Variants in SCFD2 observed in about 807,000 individuals in gnomAD.
SCFD2 encodes the protein sec1 family domain-containing protein 2.
Under a neutral mutation model 58.9 loss-of-function variants are expected in SCFD2, and 54 were observed. The observed-to-expected ratio is 0.92, with a 90% CI of 0.74 to 1.15. The LOEUF is 1.15. Among genes scored for constraint, SCFD2 ranks in the 50% most tolerant of loss-of-function variants. The pLI, the probability that SCFD2 is intolerant of heterozygous loss-of-function variation, is 0.00. For missense variants in SCFD2, 805 were observed against 836.6 expected, an observed-to-expected ratio of 0.96 and a Z score of 0.47; for synonymous variants, 321 against 335.9, an observed-to-expected ratio of 0.96 and a Z score of 0.49.
intron 4 of SCFD2, among the ~76,000 whole-genome samples, chr4:53,273,144 G>A (rs975455127): frequency 8.5e-5 from 13 of 152,056 alleles, no homozygotes; most frequent in Non-Finnish European, 1.3e-4. Flanking sequence ...TGAAAATAAT[G>A]ATAAATCATA....
chr4:53,217,676 C>T (rs1316700883), intron 4 of SCFD2, among the ~76,000 whole-genome samples: 1 of 152,162 alleles, frequency 6.6e-6, no homozygotes, highest in Non-Finnish European at 1.5e-5. Context: ...TGAATTTGAT[C>T]CTGTCAGTAT....
chr4:53,268,731 A>T (rs1201198156), intron 4 of SCFD2, among the ~76,000 whole-genome samples: 1 of 152,142 alleles, frequency 6.6e-6, no homozygotes, highest in Non-Finnish European at 1.5e-5. Context: ...CAACTGAGGT[A>T]GAAGAGCATC....
chr4:52,876,890 G>C (rs1190313755), intron 8 of SCFD2, among the ~76,000 whole-genome samples: 1 of 152,070 alleles, frequency 6.6e-6, no homozygotes, highest in African/African-American at 2.4e-5. Flanking sequence ...TTCATGCAAA[G>C]GGCCCTCTCC....
At chr4:53,281,535 T>C (rs999225328) in intron 3 of SCFD2, among the ~76,000 whole-genome samples, 7 of 152,188 alleles carry the variant, frequency 4.6e-5, no homozygotes, top group Admixed American at 3.9e-4. Context: ...GAATCTTGAG[T>C]ATGCCAGATG....
At chr4:52,968,555 C>T (rs757489812) in intron 5 of SCFD2, among the ~76,000 whole-genome samples, 9 of 152,042 alleles carry the variant, frequency 5.9e-5, no homozygotes, top group Non-Finnish European at 1.0e-4. Flanking sequence ...CTGACATGGA[C>T]GACAGATACT....
At chr4:52,996,208 G>A (rs1239550725) in intron 5 of SCFD2, among the ~76,000 whole-genome samples, 1 of 152,162 alleles carries the variant, frequency 6.6e-6, no homozygotes. Context: ...GAAAGAGACA[G>A]GGGGATGCAC....
At chr4:53,279,112 GCAAA>G (rs1323873459) in intron 3 of SCFD2, among the ~76,000 whole-genome samples, 1 of 151,934 alleles carries the variant, frequency 6.6e-6, no homozygotes, top group Non-Finnish European at 1.5e-5. Flanking sequence ...ACAAAAACAA[GCAAA>G]CAAACAAAAC....
At chr4:53,007,327 A>AGAGAGAGG (rs1194121971) in intron 5 of SCFD2, among the ~76,000 whole-genome samples, 1 of 132,524 alleles carries the variant, frequency 7.5e-6, no homozygotes, top group African/African-American at 2.8e-5. Context: ...AGAGAGAGAG[A>AGAGAGAGG]GAGAGAGGGA....
chr4:52,883,882 C>T (rs1251654301), intron 8 of SCFD2, among the ~76,000 whole-genome samples: 1 of 152,164 alleles, frequency 6.6e-6, no homozygotes, highest in Non-Finnish European at 1.5e-5. Context: ...TGGTCATAGT[C>T]AAAAACTGGC....
At chr4:53,288,187 A>G (rs891142142) in intron 3 of SCFD2, among the ~76,000 whole-genome samples, 3 of 152,108 alleles carry the variant, frequency 2.0e-5, no homozygotes, top group African/African-American at 7.2e-5. Flanking sequence ...TTCTTTTGAA[A>G]TAAATCCATC....
chr4:53,212,451 T>A (rs906142023), intron 4 of SCFD2, among the ~76,000 whole-genome samples: 1 of 140,470 alleles, frequency 7.1e-6, no homozygotes, highest in African/African-American at 2.7e-5. Flanking sequence ...GGAAACAGTA[T>A]CCAAATTAAA....
At chr4:53,257,627 G>T (rs1383579590) in intron 4 of SCFD2, among the ~76,000 whole-genome samples, 1 of 152,056 alleles carries the variant, frequency 6.6e-6, no homozygotes, top group Non-Finnish European at 1.5e-5. Flanking sequence ...TTTTTGTGGG[G>T]TTTTTTGATA....
chr4:52,876,443 A>G (rs1718475354), intron 8 of SCFD2, among the ~76,000 whole-genome samples: 1 of 152,108 alleles, frequency 6.6e-6, no homozygotes, highest in African/African-American at 2.4e-5. Flanking sequence ...GAATTCACAG[A>G]CCACAATTAA....
At chr4:53,265,506 G>A (rs1045673823) in intron 4 of SCFD2, 18 of 151,998 alleles carry the variant, frequency 1.2e-4, no homozygotes, top group African/African-American at 4.3e-4. Flanking sequence ...CTTTGTGCAG[G>A]GGCCATGCTA....
intron 4 of SCFD2, among the ~76,000 whole-genome samples, chr4:53,191,339 C>T (rs746945058): frequency 6.6e-6 from 1 of 151,976 alleles, no homozygotes; most frequent in South Asian, 2.1e-4. Context: ...ACGAACATAA[C>T]ATTTGAGTGA....
chr4:53,273,267 TA>T (rs1731229122), intron 4 of SCFD2, among the ~76,000 whole-genome samples: 1 of 152,208 alleles, frequency 6.6e-6, no homozygotes, highest in Non-Finnish European at 1.5e-5. Flanking sequence ...TTCATAATTT[TA>T]AAAAACACAT....
intron 5 of SCFD2, among the ~76,000 whole-genome samples, chr4:53,087,639 ATTTCTTT>A (rs1323354898): frequency 3.1e-5 from 4 of 127,206 alleles, no homozygotes; most frequent in African/African-American, 9.0e-5. Context: ...GGCCAAAGCT[ATTTCTTT>A]TTTCTTTTTC....
At chr4:53,148,687 C>G (rs1217729561) in intron 4 of SCFD2, among the ~76,000 whole-genome samples, 1 of 152,268 alleles carries the variant, frequency 6.6e-6, no homozygotes, top group African/African-American at 2.4e-5. Context: ...AATTCATACT[C>G]TTATTGCTGG....
At chr4:53,087,787 A>C (rs769819318) in intron 5 of SCFD2, among the ~76,000 whole-genome samples, 2 of 149,882 alleles carry the variant, frequency 1.3e-5, no homozygotes, top group Admixed American at 1.3e-4. Flanking sequence ...CAGCCTCCCG[A>C]GTAGCTGGGA....
Sources: gnomAD v4.1 joint callset for allele counts (sites outside exome capture counted in the v4.1 genomes callset) on GRCh38, gnomAD v4.1.1 for gene constraint, MANE v1.5 for transcripts, NCBI Gene and HGNC (gene_info 2026-07-23, HGNC 2026-07-21) for gene names.